Variants in NBAS observed in about 807,000 individuals in gnomAD.
NBAS encodes the protein NAG/BC035112 fusion.
In NBAS, 219 loss-of-function variants were observed where a neutral mutation model predicts 302.5. That is an observed-to-expected ratio of 0.72 (90% CI 0.65 to 0.81). The LOEUF (loss-of-function observed/expected upper bound fraction) is 0.81, where lower values mean the gene tolerates loss of function less well. NBAS is among the 30% of genes least tolerant of loss of function. The probability of loss-of-function intolerance (pLI) is 0.00; values close to 1 mark genes in which losing one functional copy is unlikely to be tolerated. For missense variants in NBAS, 2,932 were observed against 2,841.6 expected (o/e 1.03, Z -0.72); for synonymous variants, 1,118 against 1,021.6 (o/e 1.09, Z -1.80).
Position 15,402,217 on chromosome 2 carries a change from G to C in NBAS, c.3022C>G (p.Leu1008Val). ...CIYTCERNDQ[L>V]CLCYDLLECL... Reference sequence around the variant, plus strand: ...TCTAGTAGGTCATAGCAAAGACAGAGTTGATCATTTCGTTCACAGGTATAG... The same window carrying C: ...TCTAGTAGGTCATAGCAAAGACAGACTTGATCATTTCGTTCACAGGTATAG... The change falls in exon 26 of 52, where the codon CTC becomes GTC. Residue 1008 changes from leucine to valine, a missense_variant. By Grantham distance (32) the Leu-to-Val change is conservative (BLOSUM62 1). Coordinates refer to ENST00000281513, the MANE Select transcript of NBAS (RefSeq NM_015909.4). The C allele has an allele frequency of 1.9e-6, 3 of 1,613,622 alleles. No homozygotes were observed. Among genetic ancestry groups the C allele is most frequent in the Non-Finnish European group, 2.5e-6 (3 of 1,179,690 alleles).
chr2:14,935,536 C>T, the NBAS span, among the ~76,000 whole-genome samples: 22 of 152,178 alleles, frequency 1.4e-4, no homozygotes, highest in South Asian at 6.2e-4. Flanking sequence ...TCCATGTAAA[C>T]GGTACTTATG....
At chr2:15,008,264 C>T in the NBAS span, among the ~76,000 whole-genome samples, 6 of 152,336 alleles carry the variant, frequency 3.9e-5, no homozygotes, top group South Asian at 2.1e-4. Context: ...ACAGAGACCC[C>T]GCTAAGTTCT....
At chr2:14,986,896 TGTAATAGGCA>T in the NBAS span, among the ~76,000 whole-genome samples, 2 of 152,018 alleles carry the variant, frequency 1.3e-5, no homozygotes, top group Non-Finnish European at 2.9e-5. Context: ...TAGGAAAAAA[TGTAATAGGCA>T]GTAGGTGAGA....
intron 40 of NBAS, among the ~76,000 whole-genome samples, chr2:15,299,923 T>G (rs1370694096): frequency 2.6e-5 from 4 of 152,250 alleles, no homozygotes; most frequent in Admixed American, 2.6e-4. Context: ...GGGTCACATG[T>G]GTATTTTTTA....
At chr2:14,910,861 C>G in the NBAS span, among the ~76,000 whole-genome samples, 1 of 152,230 alleles carries the variant, frequency 6.6e-6, no homozygotes, top group African/African-American at 2.4e-5. Flanking sequence ...AAAATAAGAG[C>G]CTTCAAAATT....
At chr2:15,499,774 A>AT in intron 11 of NBAS, among the ~76,000 whole-genome samples, 1 of 152,302 alleles carries the variant, frequency 6.6e-6, no homozygotes, top group Admixed American at 6.5e-5. Flanking sequence ...TAAAAGTTAA[A>AT]TTTTTTAAAA....
At chr2:15,204,191 T>G (rs1434781730) in intron 48 of NBAS, among the ~76,000 whole-genome samples, 1 of 151,704 alleles carries the variant, frequency 6.6e-6, no homozygotes, top group African/African-American at 2.4e-5. Context: ...GCCAGGAGGA[T>G]GGGGCTGCAG....
At chr2:15,416,522 A>G (rs1030792418) in intron 24 of NBAS, among the ~76,000 whole-genome samples, 2 of 152,112 alleles carry the variant, frequency 1.3e-5, no homozygotes, top group African/African-American at 4.8e-5. Context: ...AAGGAAGATA[A>G]GCCAGGAGAG....
At chr2:15,021,214 C>A in the NBAS span, among the ~76,000 whole-genome samples, 1 of 151,930 alleles carries the variant, frequency 6.6e-6, no homozygotes. Flanking sequence ...GCCTGGGTGA[C>A]AGACTGAGAC....
chr2:15,288,845 C>T (rs977774383), intron 41 of NBAS, among the ~76,000 whole-genome samples: 3 of 152,226 alleles, frequency 2.0e-5, no homozygotes, highest in African/African-American at 4.8e-5. Context: ...TAGCCAGGGG[C>T]TGGCAAACGT....
intron 16 of NBAS, among the ~76,000 whole-genome samples, chr2:15,470,772 T>C (rs1365870052): frequency 6.6e-6 from 1 of 152,046 alleles, no homozygotes; most frequent in Admixed American, 6.6e-5. Flanking sequence ...CAGTTATTTT[T>C]AATATGGTGA....
rs1445775585 is a variant in NBAS at position 15,394,341 on chromosome 2, T to G, written c.3143A>C (p.Glu1048Ala). The G allele has an allele frequency of 3.1e-6, 5 of 1,612,796 alleles. No individual in the cohort carries two copies. The South Asian group carries it at 4.4e-5, about 14-fold the overall frequency. The part of the protein sequence containing the change: ...DQLEQILSVS[E>A]LLEKHGLEKP... ...CTCGAGTCCATGTTTTTCCAAAAGC[T>G]CTGACACACTATAAGTGAAAAAAGA... The change falls in exon 28 of 52, where the codon GAG (glutamate) becomes GCG (alanine). Residue 1048 changes from glutamate to alanine, a missense_variant. Transcript: ENST00000281513.
At chr2:14,815,160 T>C in the NBAS span, among the ~76,000 whole-genome samples, 1 of 152,212 alleles carries the variant, frequency 6.6e-6, no homozygotes. Flanking sequence ...GGTAGTTCTT[T>C]ATAGCAGTTT....
At chr2:15,121,999 A>G in the NBAS span, among the ~76,000 whole-genome samples, 1 of 152,224 alleles carries the variant, frequency 6.6e-6, no homozygotes, top group East Asian at 1.9e-4. Flanking sequence ...ATGCCATTAC[A>G]GTGGTTAAGA....
At chr2:15,475,598 A>C (rs1680153861) in intron 14 of NBAS, 89 bp downstream of exon 14, 2 of 1,254,066 alleles carry the variant, frequency 1.6e-6, no homozygotes, top group Non-Finnish European at 2.2e-6. Flanking sequence ...TTTAAAGAAA[A>C]GATAATAAGA....
At chr2:15,051,833 G>A in the NBAS span, among the ~76,000 whole-genome samples, 1 of 152,264 alleles carries the variant, frequency 6.6e-6, no homozygotes, top group African/African-American at 2.4e-5. Flanking sequence ...CAGAGTTATT[G>A]TGTCTTTTTT....
chr2:15,204,700 T>C (rs1055816375), intron 48 of NBAS, among the ~76,000 whole-genome samples: 2 of 152,198 alleles, frequency 1.3e-5, no homozygotes, highest in Non-Finnish European at 2.9e-5. Flanking sequence ...TGAGTTCATG[T>C]CCTTTGTAGG....
At chr2:15,178,669 G>A (rs1664667819) in intron 51 of NBAS, among the ~76,000 whole-genome samples, 1 of 152,194 alleles carries the variant, frequency 6.6e-6, no homozygotes, top group East Asian at 1.9e-4. Context: ...AGTAGCAAGA[G>A]GACTGCTAGT....
the NBAS span, among the ~76,000 whole-genome samples, chr2:15,124,874 G>T: frequency 0.14 from 20,700 of 152,104 alleles, 2,649 homozygotes; most frequent in African/African-American, 0.32. Context: ...TAGTGCCAAG[G>T]TAGAAGCCTG....
Sources: allele counts gnomAD v4.1 joint callset (sites outside exome capture counted in the v4.1 genomes callset), GRCh38; gene constraint gnomAD v4.1.1; transcripts MANE v1.5; gene names NCBI Gene and HGNC (gene_info 2026-07-23, HGNC 2026-07-21).